STXBP5L: variants seen among roughly 807,000 people sequenced by gnomAD.
STXBP5L encodes syntaxin-binding protein 5-like.
Under a neutral mutation model 144.5 loss-of-function variants are expected in STXBP5L, and 65 were observed. The observed-to-expected ratio is 0.45, with a 90% CI of 0.37 to 0.55. The LOEUF (loss-of-function observed/expected upper bound fraction) is 0.55, where lower values mean the gene tolerates loss of function less well. Among genes scored for constraint, STXBP5L ranks in the 20% least tolerant of loss-of-function variants. The pLI is 0.00. For missense variants in STXBP5L, 1,298 were observed against 1,405.5 expected, an observed-to-expected ratio of 0.92 and a Z score of 1.22; for synonymous variants, 505 against 469.6, an observed-to-expected ratio of 1.08 and a Z score of -0.97.
intron 3 of STXBP5L, among the ~76,000 whole-genome samples, chr3:120,974,618 A>G (rs900732275): frequency 5.9e-5 from 9 of 152,214 alleles, no homozygotes; most frequent in Non-Finnish European, 8.8e-5. Flanking sequence ...GTCCTTGCAC[A>G]TGCCTATGTC....
At chr3:121,365,357 G>A (rs1403947960) in intron 20 of STXBP5L, among the ~76,000 whole-genome samples, 4 of 151,526 alleles carry the variant, frequency 2.6e-5, no homozygotes, top group African/African-American at 9.7e-5. Flanking sequence ...TAAAGATTTG[G>A]CAGAATACAC....
intron 5 of STXBP5L, among the ~76,000 whole-genome samples, chr3:121,074,745 CT>C (rs1251147122): frequency 6.6e-6 from 1 of 152,116 alleles, no homozygotes; most frequent in Admixed American, 6.5e-5. Flanking sequence ...TTTCTTTGAC[CT>C]AGGTTTAGAG....
chr3:121,019,444 A>G (rs965774284), intron 3 of STXBP5L, among the ~76,000 whole-genome samples: 3 of 152,176 alleles, frequency 2.0e-5, no homozygotes, highest in African/African-American at 7.2e-5. Flanking sequence ...GCCCCACCTC[A>G]TGGCTGGAGG....
intron 20 of STXBP5L, among the ~76,000 whole-genome samples, chr3:121,352,207 C>A (rs2045316239): frequency 6.6e-6 from 1 of 151,954 alleles, no homozygotes; most frequent in Non-Finnish European, 1.5e-5. Context: ...GTATTTTTTT[C>A]CAATTCTGTG....
intron 20 of STXBP5L, among the ~76,000 whole-genome samples, chr3:121,338,309 G>T (rs951840283): frequency 3.3e-5 from 5 of 152,042 alleles, no homozygotes; most frequent in South Asian, 4.1e-4. Flanking sequence ...CTATTAGCTA[G>T]ATTAACCAAG....
chr3:121,392,359 G>A (rs561784052), intron 22 of STXBP5L, among the ~76,000 whole-genome samples: 1 of 152,202 alleles, frequency 6.6e-6, no homozygotes, highest in South Asian at 2.1e-4. Context: ...CGCTTCCCAG[G>A]TAAGGTGACA....
intron 3 of STXBP5L, among the ~76,000 whole-genome samples, chr3:120,977,872 C>T (rs2107843788): frequency 6.6e-6 from 1 of 152,218 alleles, no homozygotes; most frequent in Admixed American, 6.5e-5. Context: ...GAATATTGGC[C>T]CCCACTCTCT....
intron 8 of STXBP5L, among the ~76,000 whole-genome samples, chr3:121,156,226 T>C (rs2046105820): frequency 6.6e-6 from 1 of 152,004 alleles, no homozygotes; most frequent in African/African-American, 2.4e-5. Context: ...ATAATTACTT[T>C]AGCCATCAGT....
chr3:121,120,959 T>C (rs1026783634), intron 6 of STXBP5L, among the ~76,000 whole-genome samples: 3 of 151,230 alleles, frequency 2.0e-5, no homozygotes, highest in African/African-American at 2.4e-5. Context: ...GGAATTATAA[T>C]AGAAACATGC....
intron 22 of STXBP5L, among the ~76,000 whole-genome samples, chr3:121,397,880 A>G (rs201844990): frequency 0.034 from 4,032 of 118,444 alleles, no homozygotes; most frequent in South Asian, 0.039. Flanking sequence ...TAAATTGAGC[A>G]GGTTGAATTG....
chr3:121,145,548 GA>G (rs1469755903), intron 7 of STXBP5L, among the ~76,000 whole-genome samples: 2 of 151,670 alleles, frequency 1.3e-5, no homozygotes, highest in South Asian at 2.1e-4. Context: ...TCTTACTAAG[GA>G]AAAACCTAAA....
At chr3:121,242,985 G>A (rs183285233) in intron 14 of STXBP5L, among the ~76,000 whole-genome samples, 1 of 152,264 alleles carries the variant, frequency 6.6e-6, no homozygotes, top group African/African-American at 2.4e-5. Context: ...ATTGAAATGG[G>A]TAAGAAAAGC....
intron 19 of STXBP5L, among the ~76,000 whole-genome samples, chr3:121,297,080 AT>A (rs1362711892): frequency 6.6e-6 from 1 of 152,178 alleles, no homozygotes; most frequent in Non-Finnish European, 1.5e-5. Flanking sequence ...TGAGTGTTGG[AT>A]TGAGAAATAA....
chr3:121,058,877 T>C (rs1481650380), intron 5 of STXBP5L, among the ~76,000 whole-genome samples: 4 of 152,252 alleles, frequency 2.6e-5, no homozygotes, highest in African/African-American at 9.6e-5. Context: ...TATTAGCCTT[T>C]GTCAAATGGA....
chr3:120,973,333 T>C (rs564258990), intron 3 of STXBP5L, among the ~76,000 whole-genome samples: 1 of 152,224 alleles, frequency 6.6e-6, no homozygotes, highest in South Asian at 2.1e-4. Context: ...ATTCACTTCC[T>C]CTTGGTTTTT....
chr3:121,159,339 A>G lies in STXBP5L; in HGVS notation c.877+1712A>G, dbSNP rs527833021. Among the ~76,000 whole-genome samples, 21 of 151,956 alleles carry G rather than the reference A, an allele frequency of 1.4e-4. 1 individual carries two copies. The South Asian group carries it at 2.7e-3, about 20-fold the overall frequency. On this transcript the variant is annotated intron_variant, in intron 9 of 26. Transcript: ENST00000471454. ...CATTTTCATTTTTATTATTTGTGTTATTATTATTAATAAAAGATGGGTCTT... is the reference window on the plus strand; with the variant it reads ...CATTTTCATTTTTATTATTTGTGTTGTTATTATTAATAAAAGATGGGTCTT...
At chr3:121,327,607 C>T (rs2044191861) in intron 20 of STXBP5L, among the ~76,000 whole-genome samples, 1 of 152,074 alleles carries the variant, frequency 6.6e-6, no homozygotes, top group African/African-American at 2.4e-5. Flanking sequence ...AGTGATTAAC[C>T]CAATCTGTGG....
At position 121,158,705 on chromosome 3, in the gene STXBP5L, A is replaced by G. The variant is rs1217228009; in HGVS notation, c.877+1078A>G. 5 of 152,126 alleles carry G rather than the reference A, an allele frequency of 3.3e-5. No individual in the cohort carries two copies. In the East Asian group the frequency reaches 9.6e-4, roughly 29 times the overall value. The allele number at this position is 152,126 out of a possible 1,614,324, so 9.4% of individuals were successfully genotyped here. On this transcript the variant is annotated intron_variant, in intron 9 of 26. Transcript: ENST00000471454. ...TAACTATTTATTTCTACGATAGGGGATAAGTTCTGTCCACACACCCCCAGC... is the reference window on the plus strand; with the variant it reads ...TAACTATTTATTTCTACGATAGGGGGTAAGTTCTGTCCACACACCCCCAGC...
At chr3:121,242,372 A>C (rs1483515253) in intron 14 of STXBP5L, among the ~76,000 whole-genome samples, 1 of 152,138 alleles carries the variant, frequency 6.6e-6, no homozygotes, top group East Asian at 1.9e-4. Context: ...TATTTAACAC[A>C]ATTATAAATA....
Sources: gnomAD v4.1 joint callset for allele counts (sites outside exome capture counted in the v4.1 genomes callset) on GRCh38, gnomAD v4.1.1 for gene constraint, MANE v1.5 for transcripts, NCBI Gene and HGNC (gene_info 2026-07-23, HGNC 2026-07-21) for gene names.